DBR1: variants seen among roughly 807,000 people sequenced by gnomAD.
DBR1 encodes debranching RNA lariats 1, also known as lariat debranching enzyme.
In DBR1, 33 loss-of-function variants were observed where a neutral mutation model predicts 45.9. That is an observed-to-expected ratio of 0.72 (90% confidence interval 0.55 to 0.96). The LOEUF is 0.96. DBR1 is among the 40% of genes least tolerant of loss of function. The pLI is 0.00. For synonymous variants in DBR1, 235 were observed against 235.9 expected, an observed-to-expected ratio of 1.00 and a Z score of 0.04; for missense variants, 619 against 667.4, an observed-to-expected ratio of 0.93 and a Z score of 0.80.
At chr3:138,174,064 T>A (rs1033633267) in intron 1 of DBR1, among the ~76,000 whole-genome samples, 10 of 147,428 alleles carry the variant, frequency 6.8e-5, no homozygotes, top group South Asian at 2.2e-4. Context: ...CCAGTATCCA[T>A]CCTTGCCCTT....
chr3:138,163,065 C>T (rs2042915067), intron 7 of DBR1, among the ~76,000 whole-genome samples: 1 of 152,108 alleles, frequency 6.6e-6, no homozygotes, highest in South Asian at 2.1e-4. Context: ...CAAGACCAAC[C>T]TAGGCAACAT....
rs1166808023 is a variant in DBR1, at chr3:138,161,068, T to C, written c.*821A>G. 1 of 152,198 alleles carries C rather than the reference T, an allele frequency of 6.6e-6. No homozygotes were observed. Among genetic ancestry groups the C allele is most frequent in the African/African-American group, 2.4e-5 (1 of 41,464 alleles). 9.4% of individuals were successfully genotyped at this position (152,198 alleles called of 1,614,324 possible). The stretch of plus-strand genomic sequence containing the variant: ...TCTTATATACCATCTTCAATTTCAA[T>C]TTTTATTTGACAGATATTAAAAGCT... On this transcript the variant is annotated 3_prime_UTR_variant, in exon 8 of 8. Transcript: ENST00000260803.
In DBR1 at chr3:138,166,969, C is replaced by T. The variant is rs558828900; in HGVS notation, c.714+112G>A. ...TTTCCCAGAATCATATATTGAGCTA[C>T]TCACAAGAGGTAAGTTATCTTTTAC... On this transcript the variant is annotated intron_variant, in intron 5 of 7. Coordinates refer to ENST00000260803, the MANE Select transcript of DBR1 (RefSeq NM_016216.4). The T allele has an allele frequency of 2.8e-5, 26 of 928,654 alleles. No individual in the cohort carries two copies. In the African/African-American group the frequency reaches 4.0e-4, roughly 14 times the overall value. 57.5% of individuals were successfully genotyped at this position (928,654 alleles called of 1,614,324 possible). A position where few individuals can be genotyped will look rare whatever the true frequency, so the allele number is the denominator to read the frequency against.
At chr3:138,171,573 G>A in intron 3 of DBR1, 60 bp downstream of exon 3, 3 of 1,081,672 alleles carry the variant, frequency 2.8e-6, no homozygotes, top group South Asian at 1.3e-5. Context: ...TACATATCAT[G>A]CTTAACTTAC....
Position 138,167,744 on chromosome 3 carries a change from G to A in DBR1, c.490-439C>T, listed in dbSNP as rs373308429. Among the ~76,000 whole-genome samples the A allele has an allele frequency of 4.6e-5, 7 of 152,260 alleles. 1 individual carries two copies. Reference sequence around the variant, plus strand: ...GTGGATCACCTGAGGTTAGGAGTTCGAAACGAGCCTCACCAACATGGTGAA... The same window carrying A: ...GTGGATCACCTGAGGTTAGGAGTTCAAAACGAGCCTCACCAACATGGTGAA... On this transcript the variant is annotated intron_variant, in intron 4 of 7. Transcript: ENST00000260803.
Position 138,167,095 on chromosome 3 carries a change from A to C in DBR1, c.700T>G (p.Leu234Val). ...TTGTTTTCTACCTGATGCTGCATCA[A>C]GGCGGCAAACTTCACATGAAGGTGG... The part of the protein sequence containing the change: ...SAHLHVKFAA[L>V]MQHQAKDKGQ... Residue 234 changes from leucine (L) to valine (V), a missense_variant, in exon 5 of 8, where the codon TTG (leucine) becomes GTG (valine). Physicochemically the swap from Leu to Val is conservative, Grantham distance 32. Coordinates refer to ENST00000260803, the MANE Select transcript of DBR1 (RefSeq NM_016216.4). 6.2e-7 allele frequency: 1 copy of C among 1,614,152 alleles called. No individual in the cohort carries two copies. Among genetic ancestry groups the C allele is most frequent in the African/African-American group, 1.3e-5 (1 of 75,062 alleles).
chr3:138,174,673 C>G lies in DBR1; in HGVS notation c.123G>C (p.Gln41His), dbSNP rs1232209270. 3 of 1,612,800 alleles carry G rather than the reference C, an allele frequency of 1.9e-6. No individual in the cohort carries two copies. The highest frequency in any genetic ancestry group is 2.5e-6 in the Non-Finnish European group (3 of 1,179,566). ...GTAGATCCGCCTCGTTGCGCACCGC[C>G]TGGAAGTCGCCGCAGCACAGCAAGA... ...VDLLLCCGDFQAVRNEADLRC... is the reference protein window; with the variant it reads ...VDLLLCCGDFHAVRNEADLRC... The change falls in exon 1 of 8, where the codon CAG (glutamine) becomes CAC (histidine). Residue 41 changes from glutamine to histidine, a missense_variant. Gln to His is a conservative substitution (Grantham distance 24). Transcript: ENST00000260803.
In DBR1 at chr3:138,174,565, C is replaced by G. The variant is rs371434724; in HGVS notation, c.197+34G>C. On this transcript the variant is annotated intron_variant, in intron 1 of 7. Transcript: ENST00000260803. ...GCAGAGGGAACCCAGTCCCACCCCCCCACCGCCAAGTCCGGGCCCGGCCGC... is the reference window on the plus strand; with the variant it reads ...GCAGAGGGAACCCAGTCCCACCCCCGCACCGCCAAGTCCGGGCCCGGCCGC... The G allele has an allele frequency of 4.9e-5, 75 of 1,534,852 alleles. 1 individual carries two copies. The South Asian group carries it at 5.0e-4, about 10-fold the overall frequency.
At chr3:138,168,777 C>T (rs919915877) in intron 4 of DBR1, among the ~76,000 whole-genome samples, 2 of 151,658 alleles carry the variant, frequency 1.3e-5, no homozygotes, top group South Asian at 2.1e-4. Flanking sequence ...GGCAACATGG[C>T]GAAACTCTGT....
At chr3:138,168,485 A>C (rs1424092260) in intron 4 of DBR1, among the ~76,000 whole-genome samples, 1 of 150,886 alleles carries the variant, frequency 6.6e-6, no homozygotes, top group Non-Finnish European at 1.5e-5. Flanking sequence ...GCACTGTTGC[A>C]CTCCAGCTTG....
Position 138,162,274 on chromosome 3 carries a change from T to C in DBR1, c.1250A>G (p.Asp417Gly), listed in dbSNP as rs779507795. 3 of 1,614,178 alleles carry C rather than the reference T, an allele frequency of 1.9e-6. No homozygotes were observed. The South Asian group carries it at 3.3e-5, about 18-fold the overall frequency. The change falls in exon 8 of 8, where the codon GAC becomes GGC. Residue 417 changes from aspartate to glycine, a missense_variant. This residue lies in a region of DBR1 where 182 missense variants were observed against 196.1 expected (regional missense o/e 0.93). Coordinates refer to ENST00000260803, the MANE Select transcript of DBR1 (RefSeq NM_016216.4). ...ATTAATAGAAGACAGAGCAGATGTG[T>C]CTGTATTATATTCACTCTGGTCTTC... ...SGEDQSEYNTDTSALSSINPD... is the reference protein window; with the variant it reads ...SGEDQSEYNTGTSALSSINPD...
intron 7 of DBR1, among the ~76,000 whole-genome samples, chr3:138,162,784 C>T (rs2042914070): frequency 6.6e-6 from 1 of 152,028 alleles, no homozygotes; most frequent in Admixed American, 6.6e-5. Context: ...ACTCATACTC[C>T]AAAACAATTT....
rs759385781 is a variant in DBR1, at chr3:138,173,485, C to T, written c.322+17G>A. 4 of 1,612,332 alleles carry T rather than the reference C, an allele frequency of 2.5e-6. No individual in the cohort carries two copies. The highest frequency in any genetic ancestry group is 2.7e-5 in the African/African-American group (2 of 74,820). On this transcript the variant is annotated intron_variant, in intron 2 of 7. Coordinates refer to ENST00000260803, the MANE Select transcript of DBR1 (RefSeq NM_016216.4). Reference sequence around the variant, plus strand: ...CCATCCCAGGAAAAAAAAGTATCCACAAACACAATCACATACCTAAATAAT... The same window carrying T: ...CCATCCCAGGAAAAAAAAGTATCCATAAACACAATCACATACCTAAATAAT...
intron 5 of DBR1, among the ~76,000 whole-genome samples, chr3:138,165,554 G>A (rs1407022903): frequency 2.0e-5 from 3 of 151,754 alleles, no homozygotes; most frequent in Non-Finnish European, 4.4e-5. Context: ...ACAGTGAAAC[G>A]CCGTCTCTAC....
At chr3:138,169,890 G>A (rs780905711) in intron 4 of DBR1, among the ~76,000 whole-genome samples, 7 of 151,638 alleles carry the variant, frequency 4.6e-5, no homozygotes, top group African/African-American at 7.3e-5. Context: ...CCGAGATCGC[G>A]CCACTGCACT....
chr3:138,171,207 T>G (rs2107905724), intron 3 of DBR1: 1 of 152,782 alleles, frequency 6.5e-6, no homozygotes, highest in Admixed American at 6.5e-5. Context: ...CGTGGTAGCT[T>G]ACGCCTGTAA....
At chr3:138,163,680 A>G in intron 6 of DBR1, 98 bp downstream of exon 6, 1 of 915,400 alleles carries the variant, frequency 1.1e-6, no homozygotes, top group South Asian at 3.3e-5. Flanking sequence ...GAATACATAA[A>G]TTACAAACAG....
intron 2 of DBR1, among the ~76,000 whole-genome samples, chr3:138,172,741 T>C (rs2042960879): frequency 1.3e-5 from 2 of 152,206 alleles, no homozygotes; most frequent in South Asian, 4.1e-4. Flanking sequence ...CAGGAAATGC[T>C]GCAAGACAAA....
At chr3:138,170,492 A>C (rs1022937673) in intron 3 of DBR1, among the ~76,000 whole-genome samples, 14 of 152,202 alleles carry the variant, frequency 9.2e-5, no homozygotes, top group Non-Finnish European at 1.8e-4. Context: ...ATAACAAATT[A>C]TTGTTGTTTT....
Sources: allele counts gnomAD v4.1 joint callset (sites outside exome capture counted in the v4.1 genomes callset), GRCh38; gene constraint gnomAD v4.1.1; regional missense constraint gnomAD v4.1.1; transcripts MANE v1.5; gene names NCBI Gene and HGNC (gene_info 2026-07-23, HGNC 2026-07-21).